Variants in CAMKMT observed in about 807,000 individuals in gnomAD.
CAMKMT encodes the protein calmodulin-lysine N-methyltransferase.
Under a neutral mutation model 48.0 loss-of-function variants are expected in CAMKMT, and 53 were observed. The ratio of observed to expected loss-of-function variants is 1.10; its 90% CI spans 0.89 to 1.39. The LOEUF (loss-of-function observed/expected upper bound fraction) is 1.39. Among genes scored for constraint, CAMKMT ranks in the 40% most tolerant of loss-of-function variants. The pLI, the probability that CAMKMT is intolerant of heterozygous loss-of-function variation, is 0.00. For synonymous variants in CAMKMT, 165 were observed against 152.3 expected (o/e 1.08, Z -0.61); for missense variants, 428 against 402.7 (o/e 1.06, Z -0.54).
chr2:44,710,080 TC>T (rs2104288266), intron 6 of CAMKMT, among the ~76,000 whole-genome samples: 1 of 152,070 alleles, frequency 6.6e-6, no homozygotes, highest in Non-Finnish European at 1.5e-5. Flanking sequence ...CTCTTAAGCT[TC>T]TAAGATTCTG....
chr2:44,365,412 G>A (rs145765102), intron 1 of CAMKMT, among the ~76,000 whole-genome samples: 3 of 152,288 alleles, frequency 2.0e-5, no homozygotes, highest in East Asian at 3.9e-4. Context: ...TGAGTCAAGC[G>A]AGTACTTAAA....
chr2:44,668,833 G>A (rs566132218), intron 3 of CAMKMT, among the ~76,000 whole-genome samples: 16 of 151,730 alleles, frequency 1.1e-4, no homozygotes, highest in Non-Finnish European at 2.2e-4. Flanking sequence ...CCAGGCTGGA[G>A]TACAGTGGTG....
At chr2:44,384,695 A>G (rs929881091) in intron 2 of CAMKMT, among the ~76,000 whole-genome samples, 3 of 152,008 alleles carry the variant, frequency 2.0e-5, no homozygotes, top group Non-Finnish European at 4.4e-5. Context: ...CATTCTCTGC[A>G]TATAGCTAGC....
At chr2:44,718,647 G>A (rs1678297551) in intron 7 of CAMKMT, among the ~76,000 whole-genome samples, 1 of 152,122 alleles carries the variant, frequency 6.6e-6, no homozygotes, top group Non-Finnish European at 1.5e-5. Flanking sequence ...TGACGTCTAC[G>A]TATTTCTAGG....
chr2:44,380,796 A>G (rs1293327090), intron 2 of CAMKMT, among the ~76,000 whole-genome samples: 1 of 152,136 alleles, frequency 6.6e-6, no homozygotes. Flanking sequence ...GAGGTATAGG[A>G]TGAGGTTTAC....
At chr2:44,512,324 T>C (rs1670604883) in intron 3 of CAMKMT, among the ~76,000 whole-genome samples, 1 of 152,230 alleles carries the variant, frequency 6.6e-6, no homozygotes. Context: ...TAATAAATCA[T>C]AGGTTTGCTG....
chr2:44,642,660 C>T (rs1282992453), intron 3 of CAMKMT, among the ~76,000 whole-genome samples: 1 of 152,056 alleles, frequency 6.6e-6, no homozygotes, highest in Non-Finnish European at 1.5e-5. Context: ...ATAAGGTGTG[C>T]CCTGGCTGGG....
chr2:44,433,402 T>A (rs1263581296), intron 3 of CAMKMT, among the ~76,000 whole-genome samples: 1 of 152,180 alleles, frequency 6.6e-6, no homozygotes, highest in Non-Finnish European at 1.5e-5. Context: ...AAGTGTATTT[T>A]TTTTTCAAAT....
At position 44,383,049 on chromosome 2, in the gene CAMKMT, G is replaced by A. The variant is rs1481652873; in HGVS notation, c.312-7192G>A. Among the ~76,000 whole-genome samples the A allele has an allele frequency of 2.0e-5, 3 of 152,214 alleles. No homozygotes were observed. In the East Asian group the frequency reaches 5.8e-4, roughly 29 times the overall value. ...TGAGGCCTCTTCCCTTTGGCTTGCA[G>A]ATGGCCGCCCTCACACTGCCTTTTC... On this transcript the variant is annotated intron_variant, in intron 2 of 10. Transcript: ENST00000378494.
intron 2 of CAMKMT, among the ~76,000 whole-genome samples, chr2:44,377,779 C>A (rs767632494): frequency 6.6e-6 from 1 of 152,092 alleles, no homozygotes; most frequent in South Asian, 2.1e-4. Flanking sequence ...ATGACTTTGT[C>A]TTTGACTGTG....
Position 44,390,325 on chromosome 2 carries a change from T to C in CAMKMT, c.376+20T>C. 2.0e-6 allele frequency: 3 copies of C among 1,504,878 alleles called. No homozygotes were observed. The highest frequency in any genetic ancestry group is 2.4e-5 in the South Asian group (2 of 84,336). 93.2% of individuals were successfully genotyped at this position (1,504,878 alleles called of 1,614,324 possible). A position where few individuals can be genotyped will look rare whatever the true frequency, so the allele number is the denominator to read the frequency against. Reference sequence around the variant, plus strand: ...ATGTTTGTAAGTTATACATTCACTCTATAGAAATATATTTAGTGTTTTACA... The same window carrying C: ...ATGTTTGTAAGTTATACATTCACTCCATAGAAATATATTTAGTGTTTTACA... On this transcript the variant is annotated intron_variant, in intron 3 of 10. Transcript: ENST00000378494.
intron 3 of CAMKMT, among the ~76,000 whole-genome samples, chr2:44,577,066 G>T (rs186714674): frequency 1.3e-5 from 2 of 152,268 alleles, no homozygotes; most frequent in East Asian, 1.9e-4. Flanking sequence ...AAGCATTCTG[G>T]TTAAATAATT....
At position 44,606,294 on chromosome 2, in the gene CAMKMT, T is replaced by C. The variant is rs146244826; in HGVS notation, c.377-97989T>C. Among the ~76,000 whole-genome samples the C allele has an allele frequency of 2.9e-3, 435 of 152,332 alleles. 5 individuals carry two copies. The highest frequency in any genetic ancestry group is 9.9e-3 in the African/African-American group (412 of 41,584). On this transcript the variant is annotated intron_variant, in intron 3 of 10. Coordinates refer to ENST00000378494, the MANE Select transcript of CAMKMT (RefSeq NM_024766.5). The stretch of plus-strand genomic sequence containing the variant: ...CTCATGAGGAAATTAAGTGATAATA[T>C]ATGATCATTCAGAGAAATGGATTGG...
intron 3 of CAMKMT, among the ~76,000 whole-genome samples, chr2:44,484,641 A>G (rs1189630223): frequency 2.6e-5 from 4 of 151,848 alleles, no homozygotes; most frequent in Non-Finnish European, 5.9e-5. Context: ...ACATTAATGC[A>G]TAAGAATATC....
At chr2:44,390,391 A>G (rs1299896856) in intron 3 of CAMKMT, 86 bp downstream of exon 3, 26 of 954,618 alleles carry the variant, frequency 2.7e-5, no homozygotes, top group Non-Finnish European at 4.0e-5. Context: ...ACTAATATTT[A>G]TTATACTCAC....
Position 44,365,035 on chromosome 2 carries a change from C to A in CAMKMT, c.138+2890C>A, listed in dbSNP as rs57562678. ...GAATATTTTTCTATTACAATTTAAT[C>A]GATCACATATATTAAACATTTACAA... On this transcript the variant is annotated intron_variant, in intron 1 of 10. Transcript: ENST00000378494. 7.0e-3 allele frequency among the ~76,000 whole-genome samples: 1,068 copies of A among 152,266 alleles called. 15 individuals are homozygous for A. Among genetic ancestry groups the A allele is most frequent in the African/African-American group, 0.025 (1,026 of 41,528 alleles).
chr2:44,605,858 G>A (rs1408967877), intron 3 of CAMKMT, among the ~76,000 whole-genome samples: 1 of 151,788 alleles, frequency 6.6e-6, no homozygotes, highest in Non-Finnish European at 1.5e-5. Flanking sequence ...GGCATAGAAG[G>A]AAAAAAACCA....
At chr2:44,730,555 G>A (rs906399706) in intron 7 of CAMKMT, among the ~76,000 whole-genome samples, 7 of 152,168 alleles carry the variant, frequency 4.6e-5, no homozygotes, top group Admixed American at 3.9e-4. Context: ...GGAAGTCAAC[G>A]GATCAATATC....
At chr2:44,485,300 A>G (rs1047771942) in intron 3 of CAMKMT, among the ~76,000 whole-genome samples, 3 of 152,236 alleles carry the variant, frequency 2.0e-5, no homozygotes, top group African/African-American at 4.8e-5. Context: ...TCAAATGCCC[A>G]TCAACATTAG....
Sources: allele counts gnomAD v4.1 joint callset (sites outside exome capture counted in the v4.1 genomes callset), GRCh38; gene constraint gnomAD v4.1.1; transcripts MANE v1.5; gene names NCBI Gene and HGNC (gene_info 2026-07-23, HGNC 2026-07-21).